The following GALNT7 variants were observed in gnomAD, a reference collection of about 807,000 sequenced individuals.
GALNT7 encodes polypeptide N-acetylgalactosaminyltransferase 7, also known as N-acetylgalactosaminyltransferase 7.
GALNT7 carries 60 observed loss-of-function variants against 82.1 expected under a neutral mutation model. The ratio of observed to expected loss-of-function variants is 0.73; its 90% CI spans 0.59 to 0.91. The LOEUF (loss-of-function observed/expected upper bound fraction) is 0.91. GALNT7 is among the 40% of genes least tolerant of loss of function. The pLI is 0.00. For missense variants in GALNT7, 660 were observed against 804.2 expected (o/e 0.82, Z 2.17); for synonymous variants, 243 against 275.1 (o/e 0.88, Z 1.15).
At chr4:173,298,418 A>G (rs1736800964) in intron 6 of GALNT7, 121 bp downstream of exon 6, 4 of 669,730 alleles carry the variant, frequency 6.0e-6, no homozygotes, top group Non-Finnish European at 9.9e-6. Flanking sequence ...CTGAAAGAAC[A>G]TCTTTCCTTA....
At position 173,261,074 on chromosome 4, in the gene GALNT7, G is replaced by A. The variant is rs189465617; in HGVS notation, c.587+12634G>A. Among the ~76,000 whole-genome samples, 10 of 152,246 alleles carry A rather than the reference G, an allele frequency of 6.6e-5. No homozygotes were observed. In the East Asian group the frequency reaches 9.7e-4, roughly 15 times the overall value. On this transcript the variant is annotated intron_variant, in intron 2 of 11. Coordinates refer to ENST00000265000, the MANE Select transcript of GALNT7 (RefSeq NM_017423.3). ...ATTGTCCTGCATCTGTATAATTGTC[G>A]TCTACATTACACATTTTTATTTCAC...
chr4:173,234,249 A>T (rs988302955), intron 1 of GALNT7, among the ~76,000 whole-genome samples: 1 of 152,126 alleles, frequency 6.6e-6, no homozygotes, highest in African/African-American at 2.4e-5. Flanking sequence ...GGGATCCAAG[A>T]TCCTCTCCTT....
At chr4:173,260,066 G>A (rs1327681540) in intron 2 of GALNT7, among the ~76,000 whole-genome samples, 1 of 152,200 alleles carries the variant, frequency 6.6e-6, no homozygotes, top group Non-Finnish European at 1.5e-5. Flanking sequence ...ATACTTATCA[G>A]GACTATTATA....
intron 1 of GALNT7, among the ~76,000 whole-genome samples, chr4:173,180,472 C>T (rs917068914): frequency 2.0e-5 from 3 of 151,978 alleles, no homozygotes; most frequent in Non-Finnish European, 2.9e-5. Context: ...GGATTACAGG[C>T]GCCCACAACC....
At chr4:173,298,058 T>C in intron 5 of GALNT7, 57 bp from the exon 6 acceptor site, 1 of 1,575,244 alleles carries the variant, frequency 6.3e-7, no homozygotes, top group Non-Finnish European at 8.6e-7. Flanking sequence ...CTCGTATAAA[T>C]GTGTGGGTCC....
intron 2 of GALNT7, among the ~76,000 whole-genome samples, chr4:173,261,381 TTTTTTTTTG>T (rs1015485753): frequency 2.1e-5 from 3 of 144,356 alleles, no homozygotes; most frequent in Non-Finnish European, 3.1e-5. Context: ...GTGGCATCAG[TTTTTTTTTG>T]TTTTTTTTTT....
At chr4:173,310,969 C>G (rs1182743345) in intron 8 of GALNT7, among the ~76,000 whole-genome samples, 5 of 152,188 alleles carry the variant, frequency 3.3e-5, no homozygotes, top group Non-Finnish European at 7.4e-5. Context: ...CTCTGCCTCC[C>G]AAAGTGCTGG....
intron 1 of GALNT7, among the ~76,000 whole-genome samples, chr4:173,207,779 A>G (rs1418335799): frequency 6.6e-6 from 1 of 152,234 alleles, no homozygotes; most frequent in African/African-American, 2.4e-5. Context: ...ATCAAAAAGT[A>G]TGCAAAATTT....
intron 1 of GALNT7, among the ~76,000 whole-genome samples, chr4:173,222,272 TTTA>T (rs777939941): frequency 5.3e-4 from 80 of 152,256 alleles, no homozygotes; most frequent in Non-Finnish European, 1.0e-3. Flanking sequence ...TTAATTTAAT[TTTA>T]TTATTATTAT....
intron 2 of GALNT7, among the ~76,000 whole-genome samples, chr4:173,265,314 C>G (rs916566561): frequency 6.6e-6 from 1 of 152,186 alleles, no homozygotes; most frequent in African/African-American, 2.4e-5. Flanking sequence ...GCCTGACATA[C>G]TAAGAAGTGA....
chr4:173,245,132 A>T (rs2126733190), intron 1 of GALNT7, among the ~76,000 whole-genome samples: 1 of 151,910 alleles, frequency 6.6e-6, no homozygotes, highest in East Asian at 1.9e-4. Context: ...AATAACCTAG[A>T]ATGAGGATGG....
At chr4:173,233,794 C>T (rs184534016) in intron 1 of GALNT7, among the ~76,000 whole-genome samples, 1 of 152,288 alleles carries the variant, frequency 6.6e-6, no homozygotes, top group African/African-American at 2.4e-5. Flanking sequence ...AATGTCTCAC[C>T]CTTGCCTTTG....
intron 8 of GALNT7, among the ~76,000 whole-genome samples, chr4:173,312,324 G>A (rs538060750): frequency 6.6e-6 from 1 of 152,318 alleles, no homozygotes; most frequent in Non-Finnish European, 1.5e-5. Context: ...CATCTGGTGA[G>A]GGCCTTATGC....
chr4:173,227,142 A>G (rs1391052661), intron 1 of GALNT7, among the ~76,000 whole-genome samples: 1 of 152,166 alleles, frequency 6.6e-6, no homozygotes, highest in Non-Finnish European at 1.5e-5. Flanking sequence ...TTTACCATGT[A>G]TATCTACCAC....
intron 2 of GALNT7, among the ~76,000 whole-genome samples, chr4:173,250,572 C>T (rs1256013023): frequency 6.6e-6 from 1 of 152,152 alleles, no homozygotes; most frequent in Admixed American, 6.5e-5. Flanking sequence ...CAACCATCAT[C>T]TCTCCTGGAA....
intron 1 of GALNT7, among the ~76,000 whole-genome samples, chr4:173,196,852 G>C (rs1732794172): frequency 6.6e-6 from 1 of 152,150 alleles, no homozygotes; most frequent in South Asian, 2.1e-4. Flanking sequence ...GATGACTATA[G>C]TGTAATAGTG....
intron 1 of GALNT7, among the ~76,000 whole-genome samples, chr4:173,239,626 C>A (rs549006797): frequency 2.0e-5 from 3 of 152,144 alleles, no homozygotes; most frequent in Admixed American, 2.0e-4. Flanking sequence ...GGAGCTGGTT[C>A]CTGAGTTTAA....
chr4:173,225,042 TAATAATA>T, intron 1 of GALNT7, among the ~76,000 whole-genome samples: 1 of 148,656 alleles, frequency 6.7e-6, no homozygotes, highest in South Asian at 2.1e-4. Flanking sequence ...ATAATAATAA[TAATAATA>T]ATTATAATTA....
intron 2 of GALNT7, among the ~76,000 whole-genome samples, chr4:173,275,117 TG>T (rs1735854136): frequency 6.6e-6 from 1 of 152,328 alleles, no homozygotes; most frequent in South Asian, 2.1e-4. Context: ...TTCTCATTTT[TG>T]GGGGCTCATT....
Sources: gnomAD v4.1 joint callset for allele counts (sites outside exome capture counted in the v4.1 genomes callset) on GRCh38, gnomAD v4.1.1 for gene constraint, MANE v1.5 for transcripts, NCBI Gene and HGNC (gene_info 2026-07-23, HGNC 2026-07-21) for gene names.